Variants in ZUP1 observed in about 807,000 individuals in gnomAD.
ZUP1 encodes zinc finger-containing ubiquitin peptidase 1.
A neutral mutation model predicts 68.1 loss-of-function variants in ZUP1; 55 were observed. The ratio of observed to expected loss-of-function variants is 0.81; its 90% CI spans 0.65 to 1.01. The LOEUF (loss-of-function observed/expected upper bound fraction) is 1.01. ZUP1 is among the 50% of genes least tolerant of loss of function. The pLI is 0.00. For synonymous variants in ZUP1, 223 were observed against 221.5 expected (o/e 1.01, Z -0.06); for missense variants, 684 against 674.9 (o/e 1.01, Z -0.15).
rs781673825 is a variant in ZUP1, at chr6:116,647,549, C to A, written c.1378G>T (p.Glu460Ter). 1 of 1,601,274 alleles carries A rather than the reference C, an allele frequency of 6.2e-7. No individual in the cohort carries two copies. Among genetic ancestry groups the A allele is most frequent in the South Asian group, 1.1e-5 (1 of 89,394 alleles). The part of the protein sequence containing the change: ...GPLGTHPRLF[E>*]WILNYYSSEG... ...GAAGAATAATAGTTCAATATCCATTCAAATAAGCGAGGGTGTGTACCCAAA... is the reference window on the plus strand; with the variant it reads ...GAAGAATAATAGTTCAATATCCATTAAAATAAGCGAGGGTGTGTACCCAAA... Residue 460 changes from glutamate (E) to a stop codon, truncating the protein, a stop_gained, in exon 8 of 10, where the codon GAA becomes TAA. Coordinates refer to ENST00000368576, the MANE Select transcript of ZUP1 (RefSeq NM_145062.3). LOFTEE classifies it high-confidence loss of function.
intron 4 of ZUP1, 81 bp from the exon 5 acceptor site, chr6:116,656,933 G>A: frequency 2.0e-6 from 2 of 990,692 alleles, no homozygotes; most frequent in South Asian, 2.0e-5. Flanking sequence ...AATTTTATTT[G>A]GAAACATGTT....
intron 9 of ZUP1, among the ~76,000 whole-genome samples, chr6:116,639,702 A>G (rs955504793): frequency 2.6e-5 from 4 of 152,212 alleles, no homozygotes; most frequent in African/African-American, 9.7e-5. Context: ...CACCATCATC[A>G]AAGACCAACA....
At chr6:116,656,494 CAT>C in intron 5 of ZUP1, among the ~76,000 whole-genome samples, 188 bp downstream of exon 5, 1 of 152,042 alleles carries the variant, frequency 6.6e-6, no homozygotes, top group East Asian at 1.9e-4. Flanking sequence ...TGTCAAGTAA[CAT>C]AATATAAAAG....
intron 7 of ZUP1, among the ~76,000 whole-genome samples, chr6:116,649,612 C>T (rs967298370): frequency 6.6e-6 from 1 of 152,194 alleles, no homozygotes; most frequent in Non-Finnish European, 1.5e-5. Flanking sequence ...CACACCTTAA[C>T]TCTCCCCTCC....
rs200251247 is a variant in ZUP1 at position 116,656,848 on chromosome 6, T to C, written c.797A>G (p.Gln266Arg). 17 of 1,588,606 alleles carry C rather than the reference T, an allele frequency of 1.1e-5. No homozygotes were observed. Among genetic ancestry groups the C allele is most frequent in the Non-Finnish European group, 1.5e-5 (17 of 1,166,634 alleles). Residue 266 changes from glutamine to arginine, a missense_variant, in exon 5 of 10, where the codon CAA becomes CGA. Gln to Arg is a conservative substitution (Grantham distance 43). Transcript: ENST00000368576. The part of the protein sequence containing the change: ...EIEEFQKLQR[Q>R]YGLDNSGGYK... Reference sequence around the variant, plus strand: ...TCCTCCAGAATTATCTAAACCATATTGTCTCTATTGAACATAAAAATAAAT... The same window carrying C: ...TCCTCCAGAATTATCTAAACCATATCGTCTCTATTGAACATAAAAATAAAT...
At chr6:116,640,233 G>T (rs553558483) in intron 9 of ZUP1, among the ~76,000 whole-genome samples, 2 of 152,112 alleles carry the variant, frequency 1.3e-5, no homozygotes, top group Non-Finnish European at 2.9e-5. Flanking sequence ...GAAAGTGACG[G>T]GGAGAATGGA....
At chr6:116,642,423 T>C (rs1406297029) in intron 9 of ZUP1, among the ~76,000 whole-genome samples, 1 of 152,020 alleles carries the variant, frequency 6.6e-6, no homozygotes. Context: ...TGAACATTGA[T>C]GCAAAAATCC....
At chr6:116,640,776 T>G (rs1335713653) in intron 9 of ZUP1, among the ~76,000 whole-genome samples, 1 of 149,342 alleles carries the variant, frequency 6.7e-6, no homozygotes, top group African/African-American at 2.5e-5. Flanking sequence ...AGAAACTGCA[T>G]CAACTAACAA....
intron 6 of ZUP1, 82 bp downstream of exon 6, chr6:116,651,922 G>T: frequency 6.8e-7 from 1 of 1,463,242 alleles, no homozygotes. Flanking sequence ...AACTGTTAAA[G>T]CTATTAATTG....
intron 9 of ZUP1, among the ~76,000 whole-genome samples, chr6:116,644,595 C>A (rs9374618): frequency 0.36 from 54,576 of 150,536 alleles, 10,533 homozygotes; most frequent in African/African-American, 0.5. Context: ...AAGAACAAAA[C>A]ACCAAACACC....
intron 6 of ZUP1, 90 bp from the exon 7 acceptor site, chr6:116,651,827 G>A (rs560950748): frequency 1.8e-5 from 27 of 1,486,768 alleles, no homozygotes; most frequent in South Asian, 1.7e-4. Context: ...GGAACTTTAC[G>A]GTTTTTAAGA....
At position 116,666,942 on chromosome 6, in the gene ZUP1, C is replaced by T; in HGVS notation, c.251G>A (p.Gly84Glu). Residue 84 changes from glycine to glutamate, a missense_variant, in exon 2 of 10, where the codon GGA becomes GAA. Physicochemically the swap from Gly to Glu is moderately conservative, Grantham distance 98. Coordinates refer to ENST00000368576, the MANE Select transcript of ZUP1 (RefSeq NM_145062.3). The stretch of plus-strand genomic sequence containing the variant: ...AAGAATACTTGAATTAACTTCCATT[C>T]CACACTGTAGGGTGTTGTCTTTCTT... ...DNKKDNTLQC[G>E]MEVNSSILSG... is the part of the protein sequence containing the mutation. The T allele has an allele frequency of 1.2e-6, 2 of 1,613,466 alleles. No homozygotes were observed. The highest frequency in any genetic ancestry group is 1.7e-6 in the Non-Finnish European group (2 of 1,179,788).
In ZUP1 at chr6:116,651,639, A is replaced by T; in HGVS notation, c.1249T>A (p.Leu417Ile). The T allele has an allele frequency of 1.9e-6, 3 of 1,613,852 alleles. No individual in the cohort carries two copies. Among genetic ancestry groups the T allele is most frequent in the Non-Finnish European group, 2.5e-6 (3 of 1,179,832 alleles). Reference sequence around the variant, plus strand: ...CCAATCCAGGCCTTTGTTCCCTGTAACCTGTTATTAAGTTGAGAGGCCCCC... The same window carrying T: ...CCAATCCAGGCCTTTGTTCCCTGTATCCTGTTATTAAGTTGAGAGGCCCCC... ...PQGASQLNNRLQGTKAWIGAC... is the reference protein window; with the variant it reads ...PQGASQLNNRIQGTKAWIGAC... Residue 417 changes from leucine (L) to isoleucine (I), a missense_variant, in exon 7 of 10, where the codon TTA becomes ATA. By Grantham distance (5) the Leu-to-Ile change is conservative (BLOSUM62 2). Transcript: ENST00000368576.
At chr6:116,647,663 T>C (rs1776355262) in intron 7 of ZUP1, 53 bp from the exon 8 acceptor site, 1 of 1,356,556 alleles carries the variant, frequency 7.4e-7, no homozygotes, top group South Asian at 1.9e-5. Context: ...AATATTTTCA[T>C]CGATGGAGTT....
At chr6:116,652,797 T>C (rs1231635314) in intron 5 of ZUP1, among the ~76,000 whole-genome samples, 1 of 152,046 alleles carries the variant, frequency 6.6e-6, no homozygotes, top group Non-Finnish European at 1.5e-5. Flanking sequence ...GGCAGAACAA[T>C]AGGTTTAGGA....
intron 9 of ZUP1, among the ~76,000 whole-genome samples, chr6:116,637,996 G>A (rs1775953221): frequency 1.3e-5 from 2 of 149,610 alleles, no homozygotes; most frequent in South Asian, 2.1e-4. Flanking sequence ...GGGGAGGGAG[G>A]CAGAGGTTGC....
chr6:116,647,473 T>C lies in ZUP1; in HGVS notation c.1454A>G (p.Tyr485Cys), dbSNP rs762713129. The C allele has an allele frequency of 5.1e-6, 8 of 1,568,498 alleles. No individual in the cohort carries two copies. Among genetic ancestry groups the C allele is most frequent in the African/African-American group, 1.4e-5 (1 of 74,008 alleles). Residue 485 changes from tyrosine (Y) to cysteine (C), a missense_variant, in exon 8 of 10, where the codon TAT becomes TGT. Physicochemically the swap from Tyr to Cys is radical, Grantham distance 194. Transcript: ENST00000368576. ...TTAATACTAACCTTGATGCTGAAGA[T>C]AGATAGGAGGTTTAGATGTACACAC... ...KVVCTSKPPI[Y>C]LQHQGHSRTV...
intron 9 of ZUP1, among the ~76,000 whole-genome samples, chr6:116,641,051 A>G (rs1776081106): frequency 6.6e-6 from 1 of 150,466 alleles, no homozygotes; most frequent in Non-Finnish European, 1.5e-5. Context: ...AGTCTCTGAT[A>G]AAACAGACTT....
At position 116,645,905 on chromosome 6, in the gene ZUP1, C is replaced by A. The variant is rs772146000; in HGVS notation, c.1498G>T (p.Glu500Ter). ...AAGCATAATGTTCGGTTTTTTTTCT[C>A]TTCAATTCCAATAACAGTTCGACTG... ...GHSRTVIGIE[E>*]KKNRTLCLLI... The change falls in exon 9 of 10, where the codon GAG (glutamate) becomes TAG (stop). Residue 500 changes from glutamate (E) to a stop codon, truncating the protein, a stop_gained. Coordinates refer to ENST00000368576, the MANE Select transcript of ZUP1 (RefSeq NM_145062.3). LOFTEE classifies it high-confidence loss of function. 1 of 1,613,206 alleles carries A rather than the reference C, an allele frequency of 6.2e-7. No individual in the cohort carries two copies. The highest frequency in any genetic ancestry group is 1.7e-5 in the Admixed American group (1 of 59,900).
Sources: gnomAD v4.1 joint callset for allele counts (sites outside exome capture counted in the v4.1 genomes callset) on GRCh38, gnomAD v4.1.1 for gene constraint, MANE v1.5 for transcripts, NCBI Gene and HGNC (gene_info 2026-07-23, HGNC 2026-07-21) for gene names.